SLCO5A1: variants seen among roughly 807,000 people sequenced by gnomAD.
SLCO5A1 encodes solute carrier organic anion transporter family member 5A1, also known as organic anion transporter polypeptide-related protein 4.
A neutral mutation model predicts 65.1 loss-of-function variants in SLCO5A1; 39 were observed. The ratio of observed to expected loss-of-function variants is 0.60; its 90% confidence interval spans 0.46 to 0.78. The LOEUF is 0.78. SLCO5A1 is among the 30% of genes least tolerant of loss of function. The pLI is 0.00. For synonymous variants in SLCO5A1, 438 were observed against 415.7 expected (o/e 1.05, Z -0.65); for missense variants, 1,029 against 1,069.4 (o/e 0.96, Z 0.53).
At chr8:69,824,022 G>A (rs1820762113) in intron 2 of SLCO5A1, among the ~76,000 whole-genome samples, 1 of 152,170 alleles carries the variant, frequency 6.6e-6, no homozygotes, top group South Asian at 2.1e-4. Context: ...GCTCCTGAAT[G>A]ACTACTGGGT....
intron 5 of SLCO5A1, among the ~76,000 whole-genome samples, chr8:69,717,288 G>C (rs1815594630): frequency 6.6e-6 from 1 of 152,140 alleles, no homozygotes; most frequent in African/African-American, 2.4e-5. Context: ...GTATGAGGTA[G>C]GGGGTCCAAC....
chr8:69,731,127 G>A lies in SLCO5A1; in HGVS notation c.1423+6913C>T, dbSNP rs532147744. Among the ~76,000 whole-genome samples, 17 of 152,102 alleles carry A rather than the reference G, an allele frequency of 1.1e-4. No individual in the cohort carries two copies. The East Asian group carries it at 2.9e-3, about 26-fold the overall frequency. ...ATTCTCATGCCTCTCAGCCTCCCAAGTAGCTGGGATTATAGGCACGTGTCA... is the reference window on the plus strand; with the variant it reads ...ATTCTCATGCCTCTCAGCCTCCCAAATAGCTGGGATTATAGGCACGTGTCA... On this transcript the variant is annotated intron_variant, in intron 5 of 9. Transcript: ENST00000260126.
At chr8:69,726,757 T>G (rs1039846548) in intron 5 of SLCO5A1, among the ~76,000 whole-genome samples, 1 of 152,168 alleles carries the variant, frequency 6.6e-6, no homozygotes, top group Non-Finnish European at 1.5e-5. Context: ...CGCCTTGGCC[T>G]CCCAAAGTGC....
At position 69,673,096 on chromosome 8, in the gene SLCO5A1, C is replaced by A. The variant is rs202207255; in HGVS notation, c.2320G>T (p.Glu774Ter). The change falls in exon 10 of 10, where the codon GAA becomes TAA. Residue 774 changes from glutamate (E) to a stop codon, truncating the protein, a stop_gained. Coordinates refer to ENST00000260126, the MANE Select transcript of SLCO5A1 (RefSeq NM_030958.3). LOFTEE classifies it high-confidence loss of function. ...TCACTCACGGTGCTCAGGGGAAATT[C>A]TCTCTGCCTCCGCCTCTGCAGTCCA... ...EDGLQRRRQR[E>*]FPLSTVSERV... 1 of 1,614,132 alleles carries A rather than the reference C, an allele frequency of 6.2e-7. No homozygotes were observed. The highest frequency in any genetic ancestry group is 1.3e-5 in the African/African-American group (1 of 74,948).
intron 5 of SLCO5A1, among the ~76,000 whole-genome samples, chr8:69,727,180 A>G (rs1037889632): frequency 6.6e-6 from 1 of 152,024 alleles, no homozygotes; most frequent in Non-Finnish European, 1.5e-5. Context: ...GGCCCATAGC[A>G]AAAGCTTTAT....
chr8:69,733,691 T>C (rs540163193), intron 5 of SLCO5A1, among the ~76,000 whole-genome samples: 131 of 152,332 alleles, frequency 8.6e-4, no homozygotes, highest in South Asian at 6.0e-3. Context: ...GATGGTTTTA[T>C]AAGGCAGTTT....
chr8:69,718,277 A>G (rs1815650705), intron 5 of SLCO5A1, among the ~76,000 whole-genome samples: 1 of 152,206 alleles, frequency 6.6e-6, no homozygotes, highest in African/African-American at 2.4e-5. Context: ...ATTAGTTCTA[A>G]TAGTTTTTAT....
At chr8:69,819,879 C>T (rs953289498) in intron 2 of SLCO5A1, among the ~76,000 whole-genome samples, 1 of 152,176 alleles carries the variant, frequency 6.6e-6, no homozygotes. Flanking sequence ...AGGAGAATCG[C>T]TTGAACCCGG....
chr8:69,821,034 C>A (rs1053274017), intron 2 of SLCO5A1, among the ~76,000 whole-genome samples: 5 of 152,072 alleles, frequency 3.3e-5, no homozygotes, highest in Non-Finnish European at 7.4e-5. Flanking sequence ...GGCATGGGGC[C>A]AATTCTAGCC....
chr8:69,802,291 C>A (rs1586817020), intron 2 of SLCO5A1, among the ~76,000 whole-genome samples: 1 of 151,782 alleles, frequency 6.6e-6, no homozygotes, highest in South Asian at 2.1e-4. Flanking sequence ...TCGCTTGAGT[C>A]CAGGAGTTCA....
intron 2 of SLCO5A1, among the ~76,000 whole-genome samples, chr8:69,773,591 T>A (rs1404139438): frequency 6.6e-6 from 1 of 152,226 alleles, no homozygotes; most frequent in Non-Finnish European, 1.5e-5. Flanking sequence ...TCATTCTCTC[T>A]GTTTTGGGGC....
At chr8:69,825,734 C>T (rs565834654) in intron 2 of SLCO5A1, among the ~76,000 whole-genome samples, 1 of 152,186 alleles carries the variant, frequency 6.6e-6, no homozygotes, top group East Asian at 1.9e-4. Flanking sequence ...AATGCCATCC[C>T]CATCAAGCTA....
intron 6 of SLCO5A1, among the ~76,000 whole-genome samples, chr8:69,692,744 C>T (rs1237103097): frequency 1.3e-5 from 2 of 152,190 alleles, no homozygotes; most frequent in Non-Finnish European, 2.9e-5. Context: ...ACCCCCATAT[C>T]TTGTCTCAAG....
intron 6 of SLCO5A1, among the ~76,000 whole-genome samples, chr8:69,695,472 G>C (rs1421543926): frequency 6.6e-6 from 1 of 151,952 alleles, no homozygotes; most frequent in Non-Finnish European, 1.5e-5. Context: ...CTTTAGCCTG[G>C]ATGACAGAGC....
intron 2 of SLCO5A1, among the ~76,000 whole-genome samples, chr8:69,830,033 A>C (rs556040631): frequency 1.1e-4 from 16 of 152,344 alleles, no homozygotes; most frequent in Non-Finnish European, 1.5e-4. Flanking sequence ...TGTCTTAATA[A>C]ATGTTAGAAA....
intron 4 of SLCO5A1, among the ~76,000 whole-genome samples, chr8:69,741,500 G>T (rs1461716205): frequency 6.6e-6 from 1 of 152,124 alleles, no homozygotes; most frequent in Non-Finnish European, 1.5e-5. Context: ...CAAATAATAG[G>T]TGTCAAATGT....
chr8:69,757,235 G>A (rs969862089), intron 3 of SLCO5A1, among the ~76,000 whole-genome samples: 1 of 152,140 alleles, frequency 6.6e-6, no homozygotes. Flanking sequence ...ATTTTGAGAA[G>A]TTTGTTCGGG....
chr8:69,784,098 T>C (rs1315328414), intron 2 of SLCO5A1, among the ~76,000 whole-genome samples: 1 of 152,146 alleles, frequency 6.6e-6, no homozygotes, highest in East Asian at 1.9e-4. Flanking sequence ...AAGCTACACC[T>C]AGATTAAAGT....
rs539735672 is a variant in SLCO5A1, at chr8:69,781,577, G to T, written c.908-19702C>A. Among the ~76,000 whole-genome samples, 26 of 152,220 alleles carry T rather than the reference G, an allele frequency of 1.7e-4. No homozygotes were observed. The South Asian group carries it at 5.4e-3, about 32-fold the overall frequency. On this transcript the variant is annotated intron_variant, in intron 2 of 9. Coordinates refer to ENST00000260126, the MANE Select transcript of SLCO5A1 (RefSeq NM_030958.3). ...AGATACTGTGCTAAGGCCTTTATAT[G>T]TATTTTCTTATTTAATCTTCACTTC...
Sources: allele counts gnomAD v4.1 joint callset (sites outside exome capture counted in the v4.1 genomes callset), GRCh38; gene constraint gnomAD v4.1.1; transcripts MANE v1.5; gene names NCBI Gene and HGNC (gene_info 2026-07-23, HGNC 2026-07-21).